The following KIAA1614 variants were observed in gnomAD, a reference collection of about 807,000 sequenced individuals.
KIAA1614 encodes the protein uncharacterized protein KIAA1614.
In KIAA1614, 76 loss-of-function variants were observed where a neutral mutation model predicts 88.7. The observed-to-expected ratio is 0.86, with a 90% CI of 0.71 to 1.04. The LOEUF (loss-of-function observed/expected upper bound fraction) is 1.04. KIAA1614 is among the 50% of genes least tolerant of loss of function. The pLI is 0.00. For synonymous variants in KIAA1614, 714 were observed against 675.5 expected (o/e 1.06, Z -0.88); for missense variants, 1,553 against 1,582.5 (o/e 0.98, Z 0.32).
chr1:180,933,926 C>A (rs1654256074), intron 4 of KIAA1614, among the ~76,000 whole-genome samples: 1 of 152,156 alleles, frequency 6.6e-6, no homozygotes, highest in African/African-American at 2.4e-5. Context: ...GATGTGGAAC[C>A]CTGTGTGGAA....
At chr1:180,940,283 T>C (rs1258181484) in intron 6 of KIAA1614, among the ~76,000 whole-genome samples, 1 of 152,176 alleles carries the variant, frequency 6.6e-6, no homozygotes, top group African/African-American at 2.4e-5. Flanking sequence ...GGTGGATCAC[T>C]TGAGGTCAGG....
intron 1 of KIAA1614, among the ~76,000 whole-genome samples, chr1:180,915,790 G>C (rs1571280611): frequency 6.6e-6 from 1 of 152,238 alleles, no homozygotes; most frequent in Admixed American, 6.5e-5. Flanking sequence ...CCTCCTGTCA[G>C]ACCAGCAGTG....
chr1:180,950,377 C>G lies in KIAA1614; in HGVS notation c.*4789C>G. ...AGGAGATGGCTGACATGAGCATGGC[C>G]AAGCTGTACTCAGGGCTGCTGGGGG... On this transcript the variant is annotated 3_prime_UTR_variant, in exon 9 of 9. Transcript: ENST00000367588. The G allele has an allele frequency of 1.6e-6, 2 of 1,234,712 alleles. No individual in the cohort carries two copies. The highest frequency in any genetic ancestry group is 1.6e-5 in the African/African-American group (1 of 62,598). 76.5% of individuals were successfully genotyped at this position (1,234,712 alleles called of 1,614,324 possible).
chr1:180,925,881 C>T lies in KIAA1614; in HGVS notation c.1062-2549C>T, dbSNP rs543727119. 1.5e-3 allele frequency among the ~76,000 whole-genome samples: 226 copies of T among 152,244 alleles called. 1 individual carries two copies. The highest frequency in any genetic ancestry group is 5.3e-3 in the African/African-American group (220 of 41,540). ...TGGGAACTCCCCCAAGGGGGGACCT[C>T]GAAATCCCACACCCCACCTTATGGC... On this transcript the variant is annotated intron_variant, in intron 3 of 8. Coordinates refer to ENST00000367588, the MANE Select transcript of KIAA1614 (RefSeq NM_020950.2).
In KIAA1614 at chr1:180,942,992, C is replaced by T. The variant is rs180799397; in HGVS notation, c.3160-1397C>T. 2.1e-4 allele frequency among the ~76,000 whole-genome samples: 32 copies of T among 151,510 alleles called. No homozygotes were observed. In the East Asian group the frequency reaches 5.2e-3, roughly 25 times the overall value. On this transcript the variant is annotated intron_variant, in intron 7 of 8. Transcript: ENST00000367588. ...TACTTGCTGTTGGTGTGTGGTGCTGCCAAGAGTGTGTTTGCTGGGAGGCTT... is the reference window on the plus strand; with the variant it reads ...TACTTGCTGTTGGTGTGTGGTGCTGTCAAGAGTGTGTTTGCTGGGAGGCTT...
At chr1:180,918,153 G>A (rs7551076) in intron 3 of KIAA1614, among the ~76,000 whole-genome samples, 27,316 of 152,038 alleles carry the variant, frequency 0.18, 2,683 homozygotes, top group Admixed American at 0.23. Context: ...GGAACAAAGC[G>A]CATTGCTAAC....
At chr1:180,942,046 G>T (rs1369321705) in intron 7 of KIAA1614, among the ~76,000 whole-genome samples, 1 of 151,626 alleles carries the variant, frequency 6.6e-6, no homozygotes, top group African/African-American at 2.4e-5. Flanking sequence ...CCGAACTGGG[G>T]CTCCACCCCC....
intron 7 of KIAA1614, among the ~76,000 whole-genome samples, chr1:180,943,566 T>TTTTTTTTTTTTTTTTTTTTTTTTA: frequency 6.9e-6 from 1 of 144,506 alleles, no homozygotes; most frequent in East Asian, 2.1e-4. Context: ...TTTTTTTTTT[T>TTTTTTTTTTTTTTTTTTTTTTTTA]GAGACAGGGT....
intron 6 of KIAA1614, among the ~76,000 whole-genome samples, chr1:180,939,686 T>TTGGA (rs557500270): frequency 1.3e-5 from 2 of 152,184 alleles, no homozygotes; most frequent in African/African-American, 2.4e-5. Context: ...TTTTTAAAAC[T>TTGGA]TGGATTAAAT....
At chr1:180,945,267 C>A in intron 8 of KIAA1614, 36 bp from the exon 9 acceptor site, 1 of 1,560,384 alleles carries the variant, frequency 6.4e-7, no homozygotes, top group Non-Finnish European at 8.6e-7. Flanking sequence ...GTGCCTGATG[C>A]TTTTTGCCCT....
In KIAA1614 at chr1:180,935,365, G is replaced by C; in HGVS notation, c.1456G>C (p.Gly486Arg). ...LSTVLQAADQ[G>R]PLRSKPDLAD... ...CACCGTGTTGCAGGCCGCGGACCAGGGCCCCCTGCGCTCCAAGCCCGACCT... is the reference window on the plus strand; with the variant it reads ...CACCGTGTTGCAGGCCGCGGACCAGCGCCCCCTGCGCTCCAAGCCCGACCT... The change falls in exon 5 of 9, where the codon GGC becomes CGC. Residue 486 changes from glycine (G) to arginine (R), a missense_variant. Physicochemically the swap from Gly to Arg is moderately radical, Grantham distance 125 (BLOSUM62 -2). Coordinates refer to ENST00000367588, the MANE Select transcript of KIAA1614 (RefSeq NM_020950.2). The surrounding 1 kb of genome is among the most constrained non-coding windows in gnomAD (Gnocchi z 6.1). The C allele has an allele frequency of 1.4e-6, 2 of 1,464,346 alleles. No homozygotes were observed. Among genetic ancestry groups the C allele is most frequent in the East Asian group, 5.0e-5 (2 of 40,150 alleles). 90.7% of individuals were successfully genotyped at this position (1,464,346 alleles called of 1,614,324 possible).
intron 2 of KIAA1614, 72 bp downstream of exon 2, chr1:180,917,172 G>A (rs1172592668): frequency 8.1e-7 from 1 of 1,240,522 alleles, no homozygotes; most frequent in Non-Finnish European, 1.1e-6. Flanking sequence ...AAGGGGACGA[G>A]GGGGTCCCAC....
rs888219336 is a variant in KIAA1614, at chr1:180,951,614, A to T, written c.*6026A>T. On this transcript the variant is annotated 3_prime_UTR_variant, in exon 9 of 9. Coordinates refer to ENST00000367588, the MANE Select transcript of KIAA1614 (RefSeq NM_020950.2). ...AAAAAGCAAAGCTAAAGCTTCTCTC[A>T]CTCTGAGTTGCTAAATTCTCGGCTG... 1 of 151,966 alleles carries T rather than the reference A, an allele frequency of 6.6e-6. No homozygotes were observed. The highest frequency in any genetic ancestry group is 1.5e-5 in the Non-Finnish European group (1 of 68,048). 9.4% of individuals were successfully genotyped at this position (151,966 alleles called of 1,614,324 possible).
chr1:180,917,975 T>A, intron 3 of KIAA1614, 61 bp downstream of exon 3: 3 of 1,428,820 alleles, frequency 2.1e-6, no homozygotes, highest in Non-Finnish European at 3.0e-6. Context: ...CTCTATTTAC[T>A]CAGCATCAGG....
rs755416065 is a variant in KIAA1614, at chr1:180,916,627, C to T, written c.524C>T (p.Pro175Leu). The T allele has an allele frequency of 4.4e-6, 7 of 1,602,132 alleles. No homozygotes were observed. The South Asian group carries it at 6.7e-5, about 15-fold the overall frequency. ...CCCAGGCTTCCCAGGCCGCCTGCCC[C>T]TGGACGTGAGTACTGCAACAGGGGG... ...GGPRLPRPPA[P>L]GREYCNRGSP... is the part of the protein sequence containing the mutation. Residue 175 changes from proline (P) to leucine (L), a missense_variant, in exon 2 of 9, where the codon CCT (proline) becomes CTT (leucine). Transcript: ENST00000367588.
intron 2 of KIAA1614, among the ~76,000 whole-genome samples, chr1:180,917,305 G>A (rs12072238): frequency 0.048 from 7,276 of 152,244 alleles, 575 homozygotes; most frequent in African/African-American, 0.16. Flanking sequence ...CCTGTCTGCC[G>A]AAGCCCCCCA....
In KIAA1614 at chr1:180,930,435, G is replaced by GA. The variant is rs1558068252; in HGVS notation, c.1205+1862_1205+1863insA. ...CTCCATCTCAAAAAAAAAAGGAATGGGCATGACTTCTTCAGGGCATCCTAA... is the reference window on the plus strand; with the variant it reads ...CTCCATCTCAAAAAAAAAAGGAATGGAGCATGACTTCTTCAGGGCATCCTAA... On this transcript the variant is annotated intron_variant, in intron 4 of 8. Coordinates refer to ENST00000367588, the MANE Select transcript of KIAA1614 (RefSeq NM_020950.2). 4.6e-5 allele frequency among the ~76,000 whole-genome samples: 7 copies of GA among 151,934 alleles called. 1 individual carries two copies. The highest frequency in any genetic ancestry group is 1.2e-4 in the African/African-American group (5 of 41,346).
At position 180,945,495 on chromosome 1, in the gene KIAA1614, C is replaced by G; in HGVS notation, c.3480C>G (p.Pro1160=). 2 of 1,613,616 alleles carry G rather than the reference C, an allele frequency of 1.2e-6. No homozygotes were observed. Among genetic ancestry groups the G allele is most frequent in the Non-Finnish European group, 1.7e-6 (2 of 1,179,946 alleles). The change falls in exon 9 of 9, where the codon CCC becomes CCG. Residue 1160 remains proline, a synonymous_variant. Transcript: ENST00000367588. The part of the protein sequence containing the change: ...SGNGRPDSGM[P]SPLPQPHGWG... Reference sequence around the variant, plus strand: ...ATGGGCGCCCAGACTCAGGTATGCCCTCTCCTCTTCCTCAGCCCCATGGCT... The same window carrying G: ...ATGGGCGCCCAGACTCAGGTATGCCGTCTCCTCTTCCTCAGCCCCATGGCT...
rs962174458 is a variant in KIAA1614 at position 180,949,740 on chromosome 1, A to C, written c.*4152A>C. On this transcript the variant is annotated 3_prime_UTR_variant, in exon 9 of 9. Transcript: ENST00000367588. The stretch of plus-strand genomic sequence containing the variant: ...ATTTTTCCTGGGGTTTTTTGCTCAG[A>C]TGCTTCCCCATCCCAATTGAGGAGC... 6.6e-6 allele frequency: 1 copy of C among 152,170 alleles called. No individual in the cohort carries two copies. Among genetic ancestry groups the C allele is most frequent in the African/African-American group, 2.4e-5 (1 of 41,428 alleles). The allele number at this position is 152,170 out of a possible 1,614,324, so 9.4% of individuals were successfully genotyped here.
Sources: gnomAD v4.1 joint callset for allele counts (sites outside exome capture counted in the v4.1 genomes callset) on GRCh38, gnomAD v4.1.1 for gene constraint, Gnocchi (gnomAD v3.1) non-coding constraint, MANE v1.5 for transcripts, NCBI Gene and HGNC (gene_info 2026-07-23, HGNC 2026-07-21) for gene names.